The following MAPK8IP3 variants were observed in gnomAD, a reference collection of about 807,000 sequenced individuals.
The protein encoded by MAPK8IP3 is C-Jun-amino-terminal kinase-interacting protein 3.
Under a neutral mutation model 157.8 loss-of-function variants are expected in MAPK8IP3, and 49 were observed. That is an observed-to-expected ratio of 0.31 (90% CI 0.25 to 0.39). The LOEUF (loss-of-function observed/expected upper bound fraction) is 0.39. Among genes scored for constraint, MAPK8IP3 ranks in the 10% least tolerant of loss-of-function variants. The pLI is 1.00. For missense variants in MAPK8IP3, 1,478 were observed against 1,889.4 expected (o/e 0.78, Z 4.04); for synonymous variants, 897 against 777.7 (o/e 1.15, Z -2.55).
chr16:1,716,245 T>C (rs1056465954), intron 1 of MAPK8IP3, among the ~76,000 whole-genome samples: 5 of 151,826 alleles, frequency 3.3e-5, no homozygotes, highest in African/African-American at 7.3e-5. Flanking sequence ...TATCATTCTA[T>C]GGAATACTGA....
At chr16:1,749,738 T>C (rs1297469984) in intron 8 of MAPK8IP3, among the ~76,000 whole-genome samples, 1 of 152,046 alleles carries the variant, frequency 6.6e-6, no homozygotes, top group Non-Finnish European at 1.5e-5. Context: ...GCCCGCAGGG[T>C]GAGAAGCTCC....
At position 1,706,549 on chromosome 16, in the gene MAPK8IP3, C is replaced by G; in HGVS notation, c.210C>G (p.Leu70=). The change falls in exon 1 of 32, where the codon CTC becomes CTG. Residue 70 remains leucine, a synonymous_variant. Coordinates refer to ENST00000610761, the MANE Select transcript of MAPK8IP3 (RefSeq NM_001318852.2). The surrounding 1 kb of genome is among the most constrained non-coding windows in gnomAD (Gnocchi z 5.1). ...TGCTGGAGAACCTAGACTCGGTGCTCAGCGAGAACCAGGAGCACGAGGTGG... is the reference window on the plus strand; with the variant it reads ...TGCTGGAGAACCTAGACTCGGTGCTGAGCGAGAACCAGGAGCACGAGGTGG... ...VNVLENLDSV[L]SENQEHEVEL... 1 of 1,613,608 alleles carries G rather than the reference C, an allele frequency of 6.2e-7. No individual in the cohort carries two copies. Among genetic ancestry groups the G allele is most frequent in the Non-Finnish European group, 8.5e-7 (1 of 1,179,828 alleles).
At chr16:1,735,291 G>A (rs1375555491) in intron 4 of MAPK8IP3, among the ~76,000 whole-genome samples, 2 of 142,208 alleles carry the variant, frequency 1.4e-5, no homozygotes, top group South Asian at 2.4e-4. Flanking sequence ...AGTGTGCGAC[G>A]GTCCATGTGA....
intron 10 of MAPK8IP3, 137 bp from the exon 11 acceptor site, chr16:1,759,821 C>T (rs1053154285): frequency 2.7e-6 from 2 of 745,686 alleles, no homozygotes; most frequent in East Asian, 2.6e-5. Flanking sequence ...CCTTCACGGC[C>T]CCCGCTCCCT....
chr16:1,737,053 C>T (rs2039982021), intron 4 of MAPK8IP3, among the ~76,000 whole-genome samples: 4 of 62,166 alleles, frequency 6.4e-5, no homozygotes, highest in Admixed American at 2.4e-4. Flanking sequence ...TGTGACCGTC[C>T]GTGTGAGCGT....
intron 4 of MAPK8IP3, among the ~76,000 whole-genome samples, chr16:1,736,297 CGTGAGCGTCCGTGTGAGCGTGTGACCGT>C (rs1567163791): frequency 1.9e-5 from 1 of 51,508 alleles, no homozygotes; most frequent in African/African-American, 7.6e-5. Context: ...TCCGTGTGAC[CGTGAGCGTCCGTGTGAGCGTGTGACCGT>C]GTGAGCATCC....
intron 8 of MAPK8IP3, among the ~76,000 whole-genome samples, chr16:1,757,779 A>G (rs9788926): frequency 0.32 from 48,511 of 152,038 alleles, 8,939 homozygotes; most frequent in African/African-American, 0.51. Flanking sequence ...GCTTTTGGAG[A>G]CTGGGTACCT....
At chr16:1,719,999 G>A (rs910296091) in intron 1 of MAPK8IP3, among the ~76,000 whole-genome samples, 5 of 152,196 alleles carry the variant, frequency 3.3e-5, no homozygotes, top group Non-Finnish European at 5.9e-5. Context: ...AGAGCAGGAA[G>A]CCAGCAGGTG....
chr16:1,742,812 C>T lies in MAPK8IP3; in HGVS notation c.603-520C>T, dbSNP rs1055168045. Among the ~76,000 whole-genome samples the T allele has an allele frequency of 2.0e-5, 3 of 152,140 alleles. No individual in the cohort carries two copies. The highest frequency in any genetic ancestry group is 1.9e-4 in the East Asian group (1 of 5,178). Reference sequence around the variant, plus strand: ...TGCTGTGGGGTGTCTAAAGCACACCCGGCTTGTGTCTGTTTAAAATTGAAC... The same window carrying T: ...TGCTGTGGGGTGTCTAAAGCACACCTGGCTTGTGTCTGTTTAAAATTGAAC... On this transcript the variant is annotated intron_variant, in intron 4 of 31. Coordinates refer to ENST00000610761, the MANE Select transcript of MAPK8IP3 (RefSeq NM_001318852.2). This position sits in a 1 kb window ranked among gnomAD's most constrained non-coding sequence, Gnocchi z 5.0.
chr16:1,758,023 G>A (rs1350616247), intron 8 of MAPK8IP3, 125 bp from the exon 9 acceptor site: 1 of 975,798 alleles, frequency 1.0e-6, no homozygotes, highest in Non-Finnish European at 1.6e-6. Context: ...CTCCTGCCCT[G>A]CAACATGGGA....
At chr16:1,713,244 T>A (rs1257874324) in intron 1 of MAPK8IP3, among the ~76,000 whole-genome samples, 1 of 151,794 alleles carries the variant, frequency 6.6e-6, no homozygotes, top group Non-Finnish European at 1.5e-5. Context: ...GGAACTGGAT[T>A]TTTAGTTGTA....
intron 4 of MAPK8IP3, among the ~76,000 whole-genome samples, chr16:1,734,135 C>G (rs2039498468): frequency 6.6e-6 from 1 of 152,264 alleles, no homozygotes; most frequent in South Asian, 2.1e-4. Flanking sequence ...GTCTGCGCAG[C>G]TACATTACTC....
rs547975055 is a variant in MAPK8IP3 at position 1,763,022 on chromosome 16, C to T, written c.1898+16C>T. On this transcript the variant is annotated intron_variant, in intron 16 of 31. Transcript: ENST00000610761. ...TCCCTGACGAGTGAGTGTCCCGCAGCCCCCACTTGTGGCCTGCAATGGGGT... is the reference window on the plus strand; with the variant it reads ...TCCCTGACGAGTGAGTGTCCCGCAGTCCCCACTTGTGGCCTGCAATGGGGT... The T allele has an allele frequency of 3.1e-6, 5 of 1,612,156 alleles. No individual in the cohort carries two copies. The highest frequency in any genetic ancestry group is 1.3e-5 in the African/African-American group (1 of 75,070).
At chr16:1,731,291 G>A (rs2039302604) in intron 4 of MAPK8IP3, among the ~76,000 whole-genome samples, 1 of 152,202 alleles carries the variant, frequency 6.6e-6, no homozygotes. Flanking sequence ...ATTGCGCACT[G>A]CACTCCAGCC....
At chr16:1,765,936 C>T in intron 20 of MAPK8IP3, 24 bp from the exon 21 acceptor site, 1 of 1,594,888 alleles carries the variant, frequency 6.3e-7, no homozygotes, top group Non-Finnish European at 8.6e-7. Flanking sequence ...CCCGCACAGG[C>T]TGACGGGCCG....
Position 1,729,495 on chromosome 16 carries a change from G to T in MAPK8IP3, c.519G>T (p.Gln173His). Reference protein sequence around the residue: ...ALHQRHTEMIQTYVEHIERSK... With the variant: ...ALHQRHTEMIHTYVEHIERSK... ...CGTTTCCCTCCTCGCAGATGATACA[G>T]ACCTACGTGGAGCACATTGAGAGGT... Residue 173 changes from glutamine (Q) to histidine (H), a missense_variant, in exon 4 of 32, where the codon CAG (glutamine) becomes CAT (histidine). This residue lies in a region of MAPK8IP3 where 315 missense variants were observed against 394.4 expected (regional missense o/e 0.80). Coordinates refer to ENST00000610761, the MANE Select transcript of MAPK8IP3 (RefSeq NM_001318852.2). 6.2e-7 allele frequency: 1 copy of T among 1,612,864 alleles called. No individual in the cohort carries two copies. The highest frequency in any genetic ancestry group is 1.1e-5 in the South Asian group (1 of 90,914).
intron 2 of MAPK8IP3, among the ~76,000 whole-genome samples, chr16:1,728,617 C>G (rs564482154): frequency 7.0e-6 from 1 of 142,832 alleles, no homozygotes; most frequent in Non-Finnish European, 1.5e-5. Flanking sequence ...TCTCCCATGG[C>G]ACAGCACACA....
intron 1 of MAPK8IP3, among the ~76,000 whole-genome samples, chr16:1,711,653 G>A (rs1232106813): frequency 6.6e-6 from 1 of 152,138 alleles, no homozygotes; most frequent in Non-Finnish European, 1.5e-5. Context: ...GAAAGTTGGG[G>A]TCCCAACGCT....
intron 7 of MAPK8IP3, 48 bp downstream of exon 7, chr16:1,748,394 C>T (rs1192021257): frequency 6.6e-7 from 1 of 1,505,084 alleles, no homozygotes; most frequent in Non-Finnish European, 9.2e-7. Flanking sequence ...CAGTATTTAT[C>T]CAAGTCGGTG....
Sources: gnomAD v4.1 joint callset for allele counts (sites outside exome capture counted in the v4.1 genomes callset) on GRCh38, gnomAD v4.1.1 for gene constraint, gnomAD v4.1.1 regional missense constraint, Gnocchi (gnomAD v3.1) non-coding constraint, MANE v1.5 for transcripts, NCBI Gene and HGNC (gene_info 2026-07-23, HGNC 2026-07-21) for gene names.